ARHGAP24: variants seen among roughly 807,000 people sequenced by gnomAD.
ARHGAP24 encodes rho GTPase-activating protein 24.
Under a neutral mutation model 76.4 loss-of-function variants are expected in ARHGAP24, and 50 were observed. The observed-to-expected ratio is 0.65, with a 90% CI of 0.52 to 0.83. ARHGAP24 has a LOEUF of 0.83. Ranked by LOEUF, ARHGAP24 falls within the 40% of genes least tolerant of loss-of-function variation. The pLI is 0.00. For synonymous variants in ARHGAP24, 345 were observed against 323.3 expected (o/e 1.07, Z -0.72); for missense variants, 930 against 914.2 (o/e 1.02, Z -0.22).
intron 2 of ARHGAP24, among the ~76,000 whole-genome samples, chr4:85,649,384 A>T (rs1313129437): frequency 6.6e-6 from 1 of 152,114 alleles, no homozygotes; most frequent in East Asian, 1.9e-4. Context: ...TGAGGAAACA[A>T]TGTCAGCGGT....
At chr4:85,670,457 G>A (rs919484525) in intron 2 of ARHGAP24, among the ~76,000 whole-genome samples, 9 of 152,066 alleles carry the variant, frequency 5.9e-5, no homozygotes, top group African/African-American at 1.9e-4. Flanking sequence ...AAATTAATAC[G>A]TTCTCAATCT....
At chr4:85,859,421 T>C (rs948061617) in intron 3 of ARHGAP24, among the ~76,000 whole-genome samples, 2 of 152,108 alleles carry the variant, frequency 1.3e-5, no homozygotes, top group African/African-American at 2.4e-5. Flanking sequence ...GGAGCAAAGA[T>C]AGAAAATGGT....
At position 85,588,092 on chromosome 4, in the gene ARHGAP24, G is replaced by T. The variant is rs930388448; in HGVS notation, c.180+17371G>T. On this transcript the variant is annotated intron_variant, in intron 2 of 9. Coordinates refer to ENST00000395184, the MANE Select transcript of ARHGAP24 (RefSeq NM_001025616.3). ...GGGATAACATGCAGAGGGAAAACAGGCCTGTGGGCTGGTAACCTCATCACC... is the reference window on the plus strand; with the variant it reads ...GGGATAACATGCAGAGGGAAAACAGTCCTGTGGGCTGGTAACCTCATCACC... Among the ~76,000 whole-genome samples, 4 of 152,112 alleles carry T rather than the reference G, an allele frequency of 2.6e-5. No individual in the cohort carries two copies. In the South Asian group the frequency reaches 8.3e-4, roughly 32 times the overall value.
chr4:85,737,090 C>T (rs1490057802), intron 3 of ARHGAP24, among the ~76,000 whole-genome samples: 1 of 151,976 alleles, frequency 6.6e-6, no homozygotes, highest in Non-Finnish European at 1.5e-5. Context: ...ATTCTTTCAC[C>T]AGCACACAGC....
intron 2 of ARHGAP24, among the ~76,000 whole-genome samples, chr4:85,653,332 G>A (rs1221693711): frequency 1.3e-5 from 2 of 152,130 alleles, no homozygotes; most frequent in African/African-American, 4.8e-5. Context: ...TGGTAAAAGG[G>A]CCTAAAGAAG....
intron 3 of ARHGAP24, among the ~76,000 whole-genome samples, chr4:85,757,380 C>T (rs913263735): frequency 5.3e-5 from 8 of 151,666 alleles, no homozygotes; most frequent in Non-Finnish European, 1.2e-4. Context: ...CGCAACCCCA[C>T]GACAGACCCC....
intron 2 of ARHGAP24, among the ~76,000 whole-genome samples, chr4:85,635,176 G>T (rs1721277173): frequency 1.3e-5 from 2 of 151,690 alleles, no homozygotes; most frequent in South Asian, 4.2e-4. Flanking sequence ...CTGCATTCTG[G>T]GCTCAAAACT....
chr4:85,534,362 G>C (rs1012537757), intron 1 of ARHGAP24, among the ~76,000 whole-genome samples: 1 of 152,174 alleles, frequency 6.6e-6, no homozygotes. Context: ...CTGAAAGATT[G>C]TAACTAACTT....
intron 2 of ARHGAP24, among the ~76,000 whole-genome samples, chr4:85,624,716 G>A (rs1467073943): frequency 4.6e-5 from 7 of 151,920 alleles, no homozygotes; most frequent in Non-Finnish European, 7.4e-5. Context: ...ACTTTTTTTG[G>A]TTGGTAAGCT....
At chr4:85,638,745 G>A (rs1025090879) in intron 2 of ARHGAP24, among the ~76,000 whole-genome samples, 16 of 152,066 alleles carry the variant, frequency 1.1e-4, no homozygotes, top group African/African-American at 3.1e-4. Flanking sequence ...GGGTAGATAC[G>A]GGATATCCTC....
intron 3 of ARHGAP24, chr4:85,779,059 T>C: frequency 1.2e-6 from 1 of 859,342 alleles, no homozygotes; most frequent in Non-Finnish European, 1.4e-6. Context: ...CCTCTTCACC[T>C]CTATTTTGAG....
chr4:85,563,182 A>G (rs546550760), intron 1 of ARHGAP24, among the ~76,000 whole-genome samples: 8 of 152,272 alleles, frequency 5.3e-5, no homozygotes, highest in Admixed American at 5.2e-4. Context: ...CTAGTTAGTC[A>G]TTGGCTAAGG....
chr4:85,732,851 G>C (rs1725458096), intron 3 of ARHGAP24, among the ~76,000 whole-genome samples: 1 of 149,988 alleles, frequency 6.7e-6, no homozygotes, highest in Admixed American at 6.6e-5. Flanking sequence ...GTGCCACCAA[G>C]CCTGGCTAAT....
intron 2 of ARHGAP24, among the ~76,000 whole-genome samples, chr4:85,655,490 T>G (rs1339963404): frequency 6.9e-6 from 1 of 144,216 alleles, no homozygotes; most frequent in Non-Finnish European, 1.5e-5. Context: ...AGCTTTAAAA[T>G]GAAAGTTTGG....
chr4:85,890,428 T>C (rs549800392), intron 3 of ARHGAP24, among the ~76,000 whole-genome samples: 16 of 152,228 alleles, frequency 1.1e-4, no homozygotes, highest in Non-Finnish European at 1.6e-4. Context: ...GTAGGAGAGA[T>C]AGTTAAGCAA....
chr4:85,976,045 T>C (rs1739301735), intron 7 of ARHGAP24, among the ~76,000 whole-genome samples: 1 of 152,230 alleles, frequency 6.6e-6, no homozygotes, highest in Non-Finnish European at 1.5e-5. Flanking sequence ...CATTTTGAAC[T>C]AATTCAAGTT....
At chr4:85,745,416 C>A (rs1171097319) in intron 3 of ARHGAP24, among the ~76,000 whole-genome samples, 6 of 15,224 alleles carry the variant, frequency 3.9e-4, no homozygotes, top group African/African-American at 6.1e-4. Context: ...AGTATATATA[C>A]ATATATATAA....
At chr4:85,570,302 GCT>G (rs376080241) in intron 1 of ARHGAP24, among the ~76,000 whole-genome samples, 11 of 149,804 alleles carry the variant, frequency 7.3e-5, no homozygotes, top group African/African-American at 2.5e-4. Flanking sequence ...TACTTCCCTT[GCT>G]CTCTCTCTCT....
At chr4:85,611,475 A>G (rs1171972008) in intron 2 of ARHGAP24, among the ~76,000 whole-genome samples, 2 of 152,260 alleles carry the variant, frequency 1.3e-5, no homozygotes, top group African/African-American at 2.4e-5. Flanking sequence ...GCTTTAAAAA[A>G]GTGTCTGAAT....
Sources: gnomAD v4.1 joint callset for allele counts (sites outside exome capture counted in the v4.1 genomes callset) on GRCh38, gnomAD v4.1.1 for gene constraint, MANE v1.5 for transcripts, NCBI Gene and HGNC (gene_info 2026-07-23, HGNC 2026-07-21) for gene names.